ATG3: variants seen among roughly 807,000 people sequenced by gnomAD.
ATG3 encodes ubiquitin-like-conjugating enzyme ATG3.
Under a neutral mutation model 50.7 loss-of-function variants are expected in ATG3, and 25 were observed. The observed-to-expected ratio is 0.49, with a 90% CI of 0.36 to 0.69. The LOEUF (loss-of-function observed/expected upper bound fraction) is 0.69. ATG3 is among the 30% of genes least tolerant of loss of function. ATG3 has a pLI of 0.00. For missense variants in ATG3, 281 were observed against 376.0 expected, an observed-to-expected ratio of 0.75 and a Z score of 2.09; for synonymous variants, 119 against 125.5, an observed-to-expected ratio of 0.95 and a Z score of 0.34.
chr3:112,557,654 C>T (rs948948307), intron 2 of ATG3, among the ~76,000 whole-genome samples: 1 of 152,058 alleles, frequency 6.6e-6, no homozygotes, highest in African/African-American at 2.4e-5. Context: ...AGATTTGGAA[C>T]TAGACAAATT....
intron 5 of ATG3, among the ~76,000 whole-genome samples, 195 bp downstream of exon 5, chr3:112,548,336 CTT>C (rs538525087): frequency 1.5e-3 from 235 of 152,204 alleles, no homozygotes; most frequent in African/African-American, 5.1e-3. Context: ...GAGCAAGACT[CTT>C]GTCTCAAAAA....
At chr3:112,539,091 C>T (rs1933155442) in intron 7 of ATG3, among the ~76,000 whole-genome samples, 1 of 152,176 alleles carries the variant, frequency 6.6e-6, no homozygotes, top group South Asian at 2.1e-4. Flanking sequence ...CTCATCCCTA[C>T]CAATGTTACG....
chr3:112,547,547 A>G (rs1933401760), intron 5 of ATG3, among the ~76,000 whole-genome samples: 1 of 152,284 alleles, frequency 6.6e-6, no homozygotes, highest in African/African-American at 2.4e-5. Flanking sequence ...AATGGTAGTT[A>G]GCTTCAGCAG....
At chr3:112,538,265 C>A in intron 7 of ATG3, 85 bp from the exon 8 acceptor site, 1 of 1,050,610 alleles carries the variant, frequency 9.5e-7, no homozygotes, top group Middle Eastern at 2.1e-4. Flanking sequence ...TTCATAGTAT[C>A]ATTCAAAAAC....
chr3:112,548,626 G>A lies in ATG3; in HGVS notation c.250C>T (p.Arg84Trp), dbSNP rs1044323319. 3 of 1,613,470 alleles carry A rather than the reference G, an allele frequency of 1.9e-6. No individual in the cohort carries two copies. Among genetic ancestry groups the A allele is most frequent in the Non-Finnish European group, 2.5e-6 (3 of 1,179,746 alleles). Reference sequence around the variant, plus strand: ...TCTGAATATTCCATCTGTTTGCACCGCTTATAGCACGGCACTATAAAAAAA... The same window carrying A: ...TCTGAATATTCCATCTGTTTGCACCACTTATAGCACGGCACTATAAAAAAA... ...LVTKNVPCYK[R>W]CKQMEYSDEL... Residue 84 changes from arginine to tryptophan, a missense_variant, in exon 5 of 12, where the codon CGG becomes TGG. Around this residue, in one of 3 missense-constraint regions of ATG3, gnomAD observed 242 missense variants for 305.0 expected, o/e 0.79. Transcript: ENST00000283290.
chr3:112,561,371 G>A (rs2279532), intron 1 of ATG3, 86 bp downstream of exon 1: 1,224,635 of 1,418,552 alleles, frequency 0.86, 542,976 homozygotes, highest in Non-Finnish European at 0.92. Context: ...TTGCCCCGCC[G>A]GAGAAAGCGG....
chr3:112,535,530 GAA>G (rs1933008905), intron 10 of ATG3: 1 of 152,044 alleles, frequency 6.6e-6, no homozygotes, highest in Non-Finnish European at 1.5e-5. Flanking sequence ...TCTAAAAACT[GAA>G]AACTTTTTAG....
chr3:112,561,274 C>A (rs1933862896), intron 1 of ATG3, among the ~76,000 whole-genome samples, 183 bp downstream of exon 1: 1 of 152,154 alleles, frequency 6.6e-6, no homozygotes, highest in African/African-American at 2.4e-5. Context: ...CCTGAGGAGT[C>A]AGAAAGCCCT....
At chr3:112,536,981 C>T (rs1231644639) in intron 9 of ATG3, among the ~76,000 whole-genome samples, 1 of 134,928 alleles carries the variant, frequency 7.4e-6, no homozygotes, top group Middle Eastern at 3.5e-3. Context: ...TATTTAGAAA[C>T]TTTCAGCCTA....
chr3:112,536,235 A>G, intron 10 of ATG3: 1 of 438,068 alleles, frequency 2.3e-6, no homozygotes, highest in Non-Finnish European at 4.1e-6. Context: ...TATTCTATAA[A>G]CACCCACAGA....
At chr3:112,544,012 AAT>A (rs1163305542) in intron 6 of ATG3, 43 bp downstream of exon 6, 11 of 1,421,602 alleles carry the variant, frequency 7.7e-6, no homozygotes, top group Non-Finnish European at 1.1e-5. Context: ...TAGATAGGCA[AAT>A]AACTACTCAT....
At chr3:112,538,280 G>A (rs749256001) in intron 7 of ATG3, 100 bp from the exon 8 acceptor site, 186 of 925,690 alleles carry the variant, frequency 2.0e-4, no homozygotes, top group Non-Finnish European at 2.8e-4. Context: ...AAAAACTGGG[G>A]TTTTGCCTTT....
chr3:112,558,217 C>A, intron 2 of ATG3, 159 bp downstream of exon 2: 2 of 587,304 alleles, frequency 3.4e-6, no homozygotes, highest in Admixed American at 3.3e-5. Flanking sequence ...TACATCTTTT[C>A]TTCTATGGGA....
Position 112,541,827 on chromosome 3 carries a change from C to T in ATG3, c.451G>A (p.Glu151Lys). 1 of 1,612,276 alleles carries T rather than the reference C, an allele frequency of 6.2e-7. No homozygotes were observed. Among genetic ancestry groups the T allele is most frequent in the Non-Finnish European group, 8.5e-7 (1 of 1,179,714 alleles). The change falls in exon 7 of 12, where the codon GAA becomes AAA. Residue 151 changes from glutamate to lysine, a missense_variant. By Grantham distance (56) the Glu-to-Lys change is moderately conservative. This residue lies in a region of ATG3 where 242 missense variants were observed against 305.0 expected (regional missense o/e 0.79). Transcript: ENST00000283290. ...CCTTCCATATCTGCAGCTTCTCCTTCATCTTCATCTTCTTCCTCTTCACAT... is the reference window on the plus strand; with the variant it reads ...CCTTCCATATCTGCAGCTTCTCCTTTATCTTCATCTTCTTCCTCTTCACAT... ...ALCEEEEDED[E>K]GEAADMEEYE...
At chr3:112,537,919 A>C in intron 8 of ATG3, 29 bp from the exon 9 acceptor site, 1 of 1,559,070 alleles carries the variant, frequency 6.4e-7, no homozygotes, top group Non-Finnish European at 8.7e-7. Context: ...AAAAATTTAC[A>C]ACCATTAAAT....
At chr3:112,536,728 T>C (rs1271998465) in intron 9 of ATG3, 126 bp from the exon 10 acceptor site, 3 of 923,700 alleles carry the variant, frequency 3.2e-6, no homozygotes, top group East Asian at 5.7e-5. Context: ...GAGACCATCC[T>C]GGCTAACATG....
intron 10 of ATG3, chr3:112,534,591 T>G (rs1932973479): frequency 4.7e-6 from 1 of 213,194 alleles, no homozygotes; most frequent in Non-Finnish European, 9.1e-6. Flanking sequence ...GCCAACAGTT[T>G]TACCAGGGGA....
intron 7 of ATG3, among the ~76,000 whole-genome samples, chr3:112,540,284 T>C (rs565462004): frequency 6.6e-6 from 1 of 152,206 alleles, no homozygotes; most frequent in Non-Finnish European, 1.5e-5. Context: ...AAGGTACTTT[T>C]GATCTAGCAA....
intron 11 of ATG3, chr3:112,533,161 T>G: frequency 1.0e-6 from 1 of 986,898 alleles, no homozygotes; most frequent in Non-Finnish European, 1.2e-6. Context: ...AATGAAGTAC[T>G]ATAGCAAAAG....
Sources: allele counts gnomAD v4.1 joint callset (sites outside exome capture counted in the v4.1 genomes callset), GRCh38; gene constraint gnomAD v4.1.1; regional missense constraint gnomAD v4.1.1; transcripts MANE v1.5; gene names NCBI Gene and HGNC (gene_info 2026-07-23, HGNC 2026-07-21).